Variants in CCDC9B observed in about 807,000 individuals in gnomAD.
CCDC9B encodes coiled-coil domain containing 9B.
In CCDC9B, 40 loss-of-function variants were observed where a neutral mutation model predicts 47.2. The ratio of observed to expected loss-of-function variants is 0.85; its 90% CI spans 0.66 to 1.10. The LOEUF is 1.10. CCDC9B is among the 50% of genes least tolerant of loss of function. The pLI, the probability that CCDC9B is intolerant of heterozygous loss-of-function variation, is 0.00. For missense variants in CCDC9B, 662 were observed against 651.0 expected, an observed-to-expected ratio of 1.02 and a Z score of -0.18; for synonymous variants, 238 against 250.7, an observed-to-expected ratio of 0.95 and a Z score of 0.48.
chr15:40,337,804 G>C lies in CCDC9B; in HGVS notation c.603C>G (p.Ile201Met), dbSNP rs201328343. Residue 201 changes from isoleucine to methionine, a missense_variant, in exon 6 of 11, where the codon ATC (isoleucine) becomes ATG (methionine). Ile to Met is a conservative substitution (Grantham distance 10). Transcript: ENST00000397536. ...YAQWKQEREQ[I>M]DLARLARHRD... ...TGTGCCGGGCGAGGCGGGCTAGGTC[G>C]ATCTGCTCCCGCTCCTGCTTCCACT... The C allele has an allele frequency of 9.8e-5, 158 of 1,610,314 alleles. 1 individual carries two copies. The East Asian group carries it at 3.5e-3, about 35-fold the overall frequency.
Position 40,340,827 on chromosome 15 carries a change from G to C in CCDC9B, c.-8C>G. 1.2e-6 allele frequency: 2 copies of C among 1,609,606 alleles called. No homozygotes were observed. The highest frequency in any genetic ancestry group is 1.7e-6 in the Non-Finnish European group (2 of 1,178,586). ...ACTCACAGCCGAGTGCATGGCAACG[G>C]CGGGCACCGAGAGAATTCCAGAGCA... On this transcript the variant is annotated 5_prime_UTR_variant, in exon 1 of 11. Transcript: ENST00000397536.
intron 1 of CCDC9B, 126 bp downstream of exon 1, chr15:40,340,682 C>T (rs2141250033): frequency 1.2e-6 from 1 of 844,496 alleles, no homozygotes; most frequent in East Asian, 2.7e-5. Flanking sequence ...TCTGTTGTGA[C>T]CCTAGTCACA....
In CCDC9B at chr15:40,334,449, G is replaced by A. The variant is rs533779267; in HGVS notation, c.*709C>T. 2 of 152,390 alleles carry A rather than the reference G, an allele frequency of 1.3e-5. No homozygotes were observed. The highest frequency in any genetic ancestry group is 6.5e-5 in the Admixed American group (1 of 15,294). 9.4% of individuals were successfully genotyped at this position (152,390 alleles called of 1,614,324 possible). A position where few individuals can be genotyped will look rare whatever the true frequency, so the allele number is the denominator to read the frequency against. Reference sequence around the variant, plus strand: ...GGTGCACGTGATGTCTGACCTGGGTGTGGGGGCCTGGGAGTAAGCTCTCCC... The same window carrying A: ...GGTGCACGTGATGTCTGACCTGGGTATGGGGGCCTGGGAGTAAGCTCTCCC... On this transcript the variant is annotated 3_prime_UTR_variant, in exon 11 of 11. Coordinates refer to ENST00000397536, the MANE Select transcript of CCDC9B (RefSeq NM_207380.3).
intron 3 of CCDC9B, chr15:40,339,295 G>C: frequency 1.7e-6 from 1 of 594,292 alleles, no homozygotes; most frequent in Non-Finnish European, 3.0e-6. Context: ...CTGTGGACTG[G>C]AAAAGGGTAT....
chr15:40,337,283 T>G (rs1240411049), intron 7 of CCDC9B, 105 bp downstream of exon 7: 1 of 1,119,646 alleles, frequency 8.9e-7, no homozygotes, highest in Non-Finnish European at 1.4e-6. Flanking sequence ...AACGCTTCCT[T>G]TCAGCTCTGA....
At chr15:40,338,445 G>A (rs1368241397) in intron 5 of CCDC9B, 90 bp downstream of exon 5, 41 of 1,458,972 alleles carry the variant, frequency 2.8e-5, no homozygotes, top group East Asian at 4.6e-5. Flanking sequence ...CCACGTCCCC[G>A]CAAATGAGGG....
chr15:40,337,671 C>T (rs1205213373), intron 6 of CCDC9B, 53 bp downstream of exon 6: 84 of 1,535,140 alleles, frequency 5.5e-5, no homozygotes, highest in Non-Finnish European at 6.8e-5. Flanking sequence ...CAGCAGTGCC[C>T]GAAGCCAGCT....
chr15:40,335,478 T>G lies in CCDC9B; in HGVS notation c.1153A>C (p.Ile385Leu), dbSNP rs773009055. 1.3e-6 allele frequency: 2 copies of G among 1,591,978 alleles called. No homozygotes were observed. The highest frequency in any genetic ancestry group is 1.7e-6 in the Non-Finnish European group (2 of 1,167,564). ...PLDLSLGGAG[I>L]PGPRESGCVL... is the part of the protein sequence containing the mutation. ...CACCCGCTCTCCCTGGGCCCAGGGATGCCAGCCCCTCCTAGGGAGAGGTCA... is the reference window on the plus strand; with the variant it reads ...CACCCGCTCTCCCTGGGCCCAGGGAGGCCAGCCCCTCCTAGGGAGAGGTCA... Residue 385 changes from isoleucine (I) to leucine (L), a missense_variant, in exon 11 of 11, where the codon ATC (isoleucine) becomes CTC (leucine). Coordinates refer to ENST00000397536, the MANE Select transcript of CCDC9B (RefSeq NM_207380.3).
rs1310000686 is a variant in CCDC9B, at chr15:40,337,706, C to T, written c.683+18G>A. 1.3e-6 allele frequency: 2 copies of T among 1,577,272 alleles called. No individual in the cohort carries two copies. The highest frequency in any genetic ancestry group is 1.3e-5 in the African/African-American group (1 of 74,314). On this transcript the variant is annotated intron_variant, in intron 6 of 10. Coordinates refer to ENST00000397536, the MANE Select transcript of CCDC9B (RefSeq NM_207380.3). ...TCCATCCCGCACCACAGGCAACCTG[C>T]CCAACCCAGCCACCCACGTGGACTT... is the stretch of plus-strand genomic sequence containing the variant.
rs1323388162 is a variant in CCDC9B, at chr15:40,335,515, G to A, written c.1116C>T (p.Asp372=). 3 of 1,557,656 alleles carry A rather than the reference G, an allele frequency of 1.9e-6. No individual in the cohort carries two copies. Among genetic ancestry groups the A allele is most frequent in the African/African-American group, 2.7e-5 (2 of 73,286 alleles). The part of the protein sequence containing the change: ...SSVPCSPQEP[D]LAPLDLSLGG... Reference sequence around the variant, plus strand: ...CTAGGGAGAGGTCAAGAGGAGCCAAGTCAGGCTCCTGTGGAGAGCAGGGGA... The same window carrying A: ...CTAGGGAGAGGTCAAGAGGAGCCAAATCAGGCTCCTGTGGAGAGCAGGGGA... Residue 372 remains aspartate, a synonymous_variant, in exon 11 of 11, where the codon GAC becomes GAT. Coordinates refer to ENST00000397536, the MANE Select transcript of CCDC9B (RefSeq NM_207380.3).
In CCDC9B at chr15:40,337,807, C is replaced by G. The variant is rs1358179837; in HGVS notation, c.600G>C (p.Gln200His). ...DYAQWKQERE[Q>H]IDLARLARHR... is the part of the protein sequence containing the mutation. ...GCCGGGCGAGGCGGGCTAGGTCGAT[C>G]TGCTCCCGCTCCTGCTTCCACTGGG... The change falls in exon 6 of 11, where the codon CAG (glutamine) becomes CAC (histidine). Residue 200 changes from glutamine (Q) to histidine (H), a missense_variant. By Grantham distance (24) the Gln-to-His change is conservative. Coordinates refer to ENST00000397536, the MANE Select transcript of CCDC9B (RefSeq NM_207380.3). The G allele has an allele frequency of 1.9e-6, 3 of 1,610,504 alleles. No individual in the cohort carries two copies. Among genetic ancestry groups the G allele is most frequent in the South Asian group, 2.2e-5 (2 of 91,010 alleles).
At chr15:40,339,653 GC>G in intron 2 of CCDC9B, 34 bp from the exon 3 acceptor site, 1 of 1,610,004 alleles carries the variant, frequency 6.2e-7, no homozygotes. Flanking sequence ...ACACGCCATG[GC>G]CCCCCAGGTG....
Position 40,336,262 on chromosome 15 carries a change from T to C in CCDC9B, c.887+312A>G, listed in dbSNP as rs563442327. 1.3e-5 allele frequency: 13 copies of C among 985,394 alleles called. No homozygotes were observed. The South Asian group carries it at 2.8e-4, about 21-fold the overall frequency. The allele number at this position is 985,394 out of a possible 1,614,324, so 61.0% of individuals were successfully genotyped here. A position where few individuals can be genotyped will look rare whatever the true frequency, so the allele number is the denominator to read the frequency against. On this transcript the variant is annotated intron_variant, in intron 9 of 10. Transcript: ENST00000397536. The stretch of plus-strand genomic sequence containing the variant: ...GCCCATCCTGGGTCCCCAGCTGCTG[T>C]TTATGGCCAAACTTGCAGCACCTTG...
chr15:40,340,292 C>T (rs1378268629), intron 1 of CCDC9B: 1 of 474,406 alleles, frequency 2.1e-6, no homozygotes, highest in Non-Finnish European at 3.7e-6. Context: ...CCCCAGCTCT[C>T]CAGGGAGCTT....
intron 1 of CCDC9B, 181 bp downstream of exon 1, chr15:40,340,627 C>T (rs1341910283): frequency 3.2e-6 from 2 of 631,374 alleles, no homozygotes; most frequent in Non-Finnish European, 5.3e-6. Context: ...CAAGCCATGT[C>T]TCTGCATCAA....
Position 40,339,603 on chromosome 15 carries a change from C to CG in CCDC9B, c.139dup (p.Arg47ProfsTer20). 1.9e-6 allele frequency: 3 copies of CG among 1,613,480 alleles called. No individual in the cohort carries two copies. Among genetic ancestry groups the CG allele is most frequent in the Non-Finnish European group, 2.5e-6 (3 of 1,179,894 alleles). ...CATCCCCCCCTGCTCTGCCTGCCGA[C>CG]GGTCCTCCTGGATCTCCTGTGGGAG... On this transcript the variant is annotated frameshift_variant, in exon 3 of 11. Coordinates refer to ENST00000397536, the MANE Select transcript of CCDC9B (RefSeq NM_207380.3). LOFTEE classifies it high-confidence loss of function.
rs945088275 is a variant in CCDC9B, at chr15:40,335,040, C to A, written c.*118G>T. ...TCGCCATGCTGGAGAGTTTGCCACA[C>A]TGCTCAGTGACAATGGCGCAAGCCA... On this transcript the variant is annotated 3_prime_UTR_variant, in exon 11 of 11. Coordinates refer to ENST00000397536, the MANE Select transcript of CCDC9B (RefSeq NM_207380.3). 6.0e-6 allele frequency: 6 copies of A among 999,716 alleles called. No homozygotes were observed. In the African/African-American group the frequency reaches 9.7e-5, roughly 16 times the overall value. The allele number at this position is 999,716 out of a possible 1,614,324, so 61.9% of individuals were successfully genotyped here.
Position 40,338,898 on chromosome 15 carries a change from C to T in CCDC9B, c.237G>A (p.Lys79=), listed in dbSNP as rs1038191508. ...TVTISQVPGE[K]RVVSRNWARG... ...TTGCCCAGTTCCTGCTAACCACCCG[C>T]TTTTCCTGCAGAACAAAGACCCTCA... The change falls in exon 4 of 11, where the codon AAG becomes AAA. Residue 79 remains lysine (K), a synonymous_variant. Coordinates refer to ENST00000397536, the MANE Select transcript of CCDC9B (RefSeq NM_207380.3). The T allele has an allele frequency of 2.5e-6, 4 of 1,614,074 alleles. No homozygotes were observed. The African/African-American group carries it at 5.3e-5, about 22-fold the overall frequency.
chr15:40,339,817 T>C lies in CCDC9B; in HGVS notation c.123+88A>G, dbSNP rs562279529. 4 of 1,393,484 alleles carry C rather than the reference T, an allele frequency of 2.9e-6. No individual in the cohort carries two copies. The Admixed American group carries it at 7.0e-5, about 24-fold the overall frequency. 86.3% of individuals were successfully genotyped at this position (1,393,484 alleles called of 1,614,324 possible). A position where few individuals can be genotyped will look rare whatever the true frequency, so the allele number is the denominator to read the frequency against. Reference sequence around the variant, plus strand: ...CCCTGGCCCCAGCCCCAGAGGCGCATTGCTGAGCCTGCAGGGAGACCACCA... The same window carrying C: ...CCCTGGCCCCAGCCCCAGAGGCGCACTGCTGAGCCTGCAGGGAGACCACCA... On this transcript the variant is annotated intron_variant, in intron 2 of 10. Coordinates refer to ENST00000397536, the MANE Select transcript of CCDC9B (RefSeq NM_207380.3).
Sources: allele counts gnomAD v4.1 joint callset, GRCh38; gene constraint gnomAD v4.1.1; transcripts MANE v1.5; gene names NCBI Gene and HGNC (gene_info 2026-07-23, HGNC 2026-07-21).